Variants in NGF observed in about 807,000 individuals in gnomAD.
The protein encoded by NGF is nerve growth factor, also known as beta-nerve growth factor.
In NGF, 4 loss-of-function variants were observed where a neutral mutation model predicts 12.8. That is an observed-to-expected ratio of 0.31 (90% confidence interval 0.15 to 0.72). The LOEUF is 0.72. Ranked by LOEUF, NGF falls within the 30% of genes least tolerant of loss-of-function variation. The pLI is 0.69. For synonymous variants in NGF, 140 were observed against 130.0 expected (o/e 1.08, Z -0.52); for missense variants, 283 against 330.8 (o/e 0.86, Z 1.12).
intron 1 of NGF, among the ~76,000 whole-genome samples, chr1:115,296,564 C>G (rs1011600098): frequency 6.6e-6 from 1 of 152,176 alleles, no homozygotes; most frequent in Admixed American, 6.5e-5. Context: ...TGGACCAAGT[C>G]ACCTTGGTGC....
intron 1 of NGF, among the ~76,000 whole-genome samples, chr1:115,315,113 G>A (rs1252668672): frequency 1.3e-5 from 2 of 152,204 alleles, no homozygotes; most frequent in Non-Finnish European, 2.9e-5. Flanking sequence ...AGAGTTTTAG[G>A]AGATGACAGC....
At chr1:115,291,821 C>T (rs944274541) in intron 2 of NGF, among the ~76,000 whole-genome samples, 2 of 152,182 alleles carry the variant, frequency 1.3e-5, no homozygotes, top group South Asian at 2.1e-4. Context: ...GTTAGGAGGG[C>T]TGATGGCACT....
chr1:115,299,043 G>A (rs565381149), intron 1 of NGF, among the ~76,000 whole-genome samples: 1 of 152,152 alleles, frequency 6.6e-6, no homozygotes, highest in Non-Finnish European at 1.5e-5. Context: ...AATATAATAT[G>A]AGGTTTGCTG....
intron 1 of NGF, among the ~76,000 whole-genome samples, chr1:115,323,622 T>C (rs1340809952): frequency 6.6e-6 from 1 of 152,198 alleles, no homozygotes; most frequent in African/African-American, 2.4e-5. Flanking sequence ...TGAGGGTAAT[T>C]TGACACATCT....
At position 115,337,250 on chromosome 1, in the gene NGF, TTTTTTGTTTTG is replaced by T. The variant is rs1343827725; in HGVS notation, c.-137+943_-137+953del. ...CACCTTCCTTAAGAATCTCGAAATTTTTTTTGTTTTGTTTTTGTTTTTTTTTTTTTTTTTTT... is the reference window on the plus strand; with the variant it reads ...CACCTTCCTTAAGAATCTCGAAATTTTTTTTGTTTTTTTTTTTTTTTTTTT... On this transcript the variant is annotated intron_variant, in intron 1 of 2. Transcript: ENST00000369512. Among the ~76,000 whole-genome samples, 239 of 145,070 alleles carry T rather than the reference TTTTTTGTTTTG, an allele frequency of 1.6e-3. 10 individuals carry two copies. Among genetic ancestry groups the T allele is most frequent in the African/African-American group, 6.2e-3 (227 of 36,880 alleles).
At position 115,286,245 on chromosome 1, in the gene NGF, G is replaced by A; in HGVS notation, c.551C>T (p.Pro184Leu). 6.2e-7 allele frequency: 1 copy of A among 1,614,152 alleles called. No homozygotes were observed. Among genetic ancestry groups the A allele is most frequent in the Non-Finnish European group, 8.5e-7 (1 of 1,180,032 alleles). ...AATGCCCCGGCACCCGCTGTCAACG[G>A]GATTTGGGTCCCGGCACTTGGTCTC... ...FFETKCRDPN[P>L]VDSGCRGIDS... The change falls in exon 3 of 3, where the codon CCC (proline) becomes CTC (leucine). Residue 184 changes from proline to leucine, a missense_variant. By Grantham distance (98) the Pro-to-Leu change is moderately conservative. This residue lies in a region of NGF where 132 missense variants were observed against 189.2 expected (regional missense o/e 0.70). Coordinates refer to ENST00000369512, the MANE Select transcript of NGF (RefSeq NM_002506.3).
Position 115,315,387 on chromosome 1 carries a change from C to T in NGF, c.-136-21637G>A, listed in dbSNP as rs150982525. On this transcript the variant is annotated intron_variant, in intron 1 of 2. Coordinates refer to ENST00000369512, the MANE Select transcript of NGF (RefSeq NM_002506.3). ...TGGCAATGTAGCAGAGGTGAGAAGA[C>T]AATGGAAGTGGGATATATTGGAGGA... Among the ~76,000 whole-genome samples, 40 of 152,126 alleles carry T rather than the reference C, an allele frequency of 2.6e-4. No homozygotes were observed. In the East Asian group the frequency reaches 7.4e-3, roughly 28 times the overall value.
At chr1:115,307,890 C>A (rs938280138) in intron 1 of NGF, among the ~76,000 whole-genome samples, 1 of 152,164 alleles carries the variant, frequency 6.6e-6, no homozygotes, top group Non-Finnish European at 1.5e-5. Context: ...CAGACTGTCT[C>A]TTAAAATAAA....
intron 1 of NGF, among the ~76,000 whole-genome samples, chr1:115,294,098 T>C (rs1653790044): frequency 1.3e-5 from 2 of 152,232 alleles, no homozygotes; most frequent in Non-Finnish European, 2.9e-5. Flanking sequence ...AATTGTTCAG[T>C]ACATTACACA....
Position 115,300,626 on chromosome 1 carries a change from C to T in NGF, c.-136-6876G>A, listed in dbSNP as rs565459268. On this transcript the variant is annotated intron_variant, in intron 1 of 2. Coordinates refer to ENST00000369512, the MANE Select transcript of NGF (RefSeq NM_002506.3). ...CCATCGCGTCTTGAGCTCCCTTGCT[C>T]TTCTGCAGTGACATTTCCTGGCTTG... 5.3e-5 allele frequency among the ~76,000 whole-genome samples: 8 copies of T among 152,376 alleles called. No individual in the cohort carries two copies. The East Asian group carries it at 1.5e-3, about 29-fold the overall frequency.
rs1356254824 is a variant in NGF at position 115,321,536 on chromosome 1, C to A, written c.-137+16668G>T. Among the ~76,000 whole-genome samples, 7 of 149,456 alleles carry A rather than the reference C, an allele frequency of 4.7e-5. No homozygotes were observed. In the Admixed American group the frequency reaches 4.7e-4, roughly 10 times the overall value. ...TGCAGTTCTTTAATGTTTGCCGTTG[C>A]CTCAGAAATGGCTCCACTTTTGCAT... On this transcript the variant is annotated intron_variant, in intron 1 of 2. Coordinates refer to ENST00000369512, the MANE Select transcript of NGF (RefSeq NM_002506.3).
intron 2 of NGF, among the ~76,000 whole-genome samples, chr1:115,292,032 G>T (rs1218629400): frequency 6.6e-6 from 1 of 152,134 alleles, no homozygotes; most frequent in Non-Finnish European, 1.5e-5. Flanking sequence ...CATCTCATTC[G>T]CCACATTCTG....
chr1:115,287,357 T>C (rs1653545725), intron 2 of NGF, among the ~76,000 whole-genome samples: 2 of 152,168 alleles, frequency 1.3e-5, no homozygotes, highest in South Asian at 2.1e-4. Flanking sequence ...CTCTAAGATC[T>C]GGTGACTCGG....
intron 1 of NGF, among the ~76,000 whole-genome samples, chr1:115,316,418 T>C (rs1654476726): frequency 6.6e-6 from 1 of 152,202 alleles, no homozygotes; most frequent in Non-Finnish European, 1.5e-5. Flanking sequence ...GTCCACTTGT[T>C]TTTTTTGCAG....
chr1:115,333,649 TTCTTTC>T (rs1463219498), intron 1 of NGF, among the ~76,000 whole-genome samples: 3 of 149,812 alleles, frequency 2.0e-5, no homozygotes, highest in East Asian at 2.0e-4. Context: ...AAGACTTTCT[TTCTTTC>T]TCTTTCTTTC....
At chr1:115,311,210 C>T (rs1388704550) in intron 1 of NGF, among the ~76,000 whole-genome samples, 1 of 152,198 alleles carries the variant, frequency 6.6e-6, no homozygotes, top group Non-Finnish European at 1.5e-5. Flanking sequence ...AGTCTTAAAA[C>T]TGACTTTAGT....
intron 2 of NGF, among the ~76,000 whole-genome samples, chr1:115,290,022 C>A (rs1287834326): frequency 1.3e-5 from 2 of 152,170 alleles, no homozygotes; most frequent in Admixed American, 1.3e-4. Context: ...CCCTGGCCAC[C>A]CCATTTAGCT....
chr1:115,337,261 G>GTTTTTTTTTTTTTTTTTT (rs368973980), intron 1 of NGF, among the ~76,000 whole-genome samples: 2 of 11,758 alleles, frequency 1.7e-4, no homozygotes, highest in Non-Finnish European at 3.8e-4. Context: ...TTTTTGTTTT[G>GTTTTTTTTTTTTTTTTTT]TTTTTGTTTT....
chr1:115,312,604 T>C (rs759292279), intron 1 of NGF, among the ~76,000 whole-genome samples: 18 of 152,360 alleles, frequency 1.2e-4, no homozygotes, highest in Non-Finnish European at 1.5e-4. Context: ...CCTTGACAGA[T>C]ACCAGAGTTG....
Sources: gnomAD v4.1 joint callset for allele counts (sites outside exome capture counted in the v4.1 genomes callset) on GRCh38, gnomAD v4.1.1 for gene constraint, gnomAD v4.1.1 regional missense constraint, MANE v1.5 for transcripts, NCBI Gene and HGNC (gene_info 2026-07-23, HGNC 2026-07-21) for gene names.